SDK1: variants seen among roughly 807,000 people sequenced by gnomAD.
The protein encoded by SDK1 is sidekick cell adhesion molecule 1, also known as protein sidekick-1.
Under a neutral mutation model 245.5 loss-of-function variants are expected in SDK1, and 157 were observed. The observed-to-expected ratio is 0.64, with a 90% CI of 0.56 to 0.73. The LOEUF (loss-of-function observed/expected upper bound fraction) is 0.73. Ranked by LOEUF, SDK1 falls within the 30% of genes least tolerant of loss-of-function variation. The pLI, the probability that SDK1 is intolerant of heterozygous loss-of-function variation, is 0.00. For missense variants in SDK1, 3,583 were observed against 3,002.3 expected, an observed-to-expected ratio of 1.19 and a Z score of -4.52; for synonymous variants, 1,647 against 1,278.5, an observed-to-expected ratio of 1.29 and a Z score of -6.15.
chr7:3,527,066 G>A (rs987251544), intron 1 of SDK1, among the ~76,000 whole-genome samples: 11 of 152,030 alleles, frequency 7.2e-5, no homozygotes, highest in African/African-American at 2.4e-4. Context: ...TAGTGCTAGT[G>A]GTCACCAGCC....
intron 22 of SDK1, among the ~76,000 whole-genome samples, chr7:4,101,121 T>C (rs1782508818): frequency 1.3e-5 from 2 of 152,122 alleles, no homozygotes; most frequent in South Asian, 4.2e-4. Flanking sequence ...CTTTGGTTTG[T>C]TTGTTTTAAG....
intron 44 of SDK1, among the ~76,000 whole-genome samples, chr7:4,250,215 G>A (rs1787203246): frequency 1.3e-5 from 2 of 152,272 alleles, no homozygotes; most frequent in Admixed American, 6.5e-5. Flanking sequence ...CCACTTTTAC[G>A]AAGTAATCAA....
chr7:4,255,837 G>A (rs1348803019), intron 44 of SDK1, among the ~76,000 whole-genome samples: 5 of 151,872 alleles, frequency 3.3e-5, no homozygotes, highest in Non-Finnish European at 7.4e-5. Context: ...TCTCACTATC[G>A]AGTGAGATTT....
intron 22 of SDK1, among the ~76,000 whole-genome samples, chr7:4,084,097 G>C (rs1031425314): frequency 1.3e-5 from 2 of 152,106 alleles, no homozygotes; most frequent in African/African-American, 4.8e-5. Flanking sequence ...TCATTTAGCT[G>C]TTGGAACTCT....
At chr7:3,658,965 C>T (rs1783273582) in intron 4 of SDK1, among the ~76,000 whole-genome samples, 1 of 152,206 alleles carries the variant, frequency 6.6e-6, no homozygotes, top group South Asian at 2.1e-4. Context: ...GAAGAAAACC[C>T]TGTACCCCTT....
chr7:3,613,075 A>G (rs13240393), intron 1 of SDK1, among the ~76,000 whole-genome samples: 25,393 of 152,216 alleles, frequency 0.17, 2,553 homozygotes, highest in South Asian at 0.28. Context: ...AAGAACTTGC[A>G]GTTCAACTTG....
chr7:3,525,703 G>C lies in SDK1; in HGVS notation c.299-93377G>C, dbSNP rs556460585. Among the ~76,000 whole-genome samples the C allele has an allele frequency of 3.0e-4, 45 of 152,178 alleles. No individual in the cohort carries two copies. In the South Asian group the frequency reaches 9.1e-3, roughly 31 times the overall value. On this transcript the variant is annotated intron_variant, in intron 1 of 44. Transcript: ENST00000404826. Reference sequence around the variant, plus strand: ...TATCAACTTGCAAGCCAAATTTAGAGTTGATTTTCCAAATGACTTCTCCCA... The same window carrying C: ...TATCAACTTGCAAGCCAAATTTAGACTTGATTTTCCAAATGACTTCTCCCA...
In SDK1 at chr7:3,786,353, G is replaced by A. The variant is rs139603151; in HGVS notation, c.714-35097G>A. The stretch of plus-strand genomic sequence containing the variant: ...TCCTCACCCTAGAGTAGAGGAATAC[G>A]TGATATTAATTGAAATAGACTTCCT... On this transcript the variant is annotated intron_variant, in intron 4 of 44. Transcript: ENST00000404826. 4.6e-5 allele frequency among the ~76,000 whole-genome samples: 7 copies of A among 152,280 alleles called. No homozygotes were observed. The East Asian group carries it at 1.2e-3, about 25-fold the overall frequency.
In SDK1 at chr7:4,248,238, A is replaced by C. The variant is rs549819024; in HGVS notation, c.6381+2433A>C. ...TACATGCACACACCTGCATACACAC[A>C]TGCATACCTAAATAGAACACACAAC... On this transcript the variant is annotated intron_variant, in intron 44 of 44. Transcript: ENST00000404826. 3.5e-3 allele frequency among the ~76,000 whole-genome samples: 526 copies of C among 152,162 alleles called. 3 individuals carry two copies. The highest frequency in any genetic ancestry group is 0.012 in the African/African-American group (505 of 41,486).
intron 4 of SDK1, among the ~76,000 whole-genome samples, chr7:3,649,497 C>A (rs915922885): frequency 6.6e-6 from 1 of 151,940 alleles, no homozygotes; most frequent in African/African-American, 2.4e-5. Flanking sequence ...GAATTTCACA[C>A]AAATGACATC....
intron 1 of SDK1, among the ~76,000 whole-genome samples, chr7:3,427,301 C>A (rs1201449479): frequency 6.6e-6 from 1 of 152,040 alleles, no homozygotes; most frequent in Admixed American, 6.6e-5. Flanking sequence ...GACGGATTGC[C>A]TGAGGTCAGG....
At chr7:3,322,564 C>G (rs1224349360) in intron 1 of SDK1, among the ~76,000 whole-genome samples, 1 of 152,230 alleles carries the variant, frequency 6.6e-6, no homozygotes, top group African/African-American at 2.4e-5. Context: ...CTCTCTCCCA[C>G]AGTGGAAATG....
intron 22 of SDK1, among the ~76,000 whole-genome samples, chr7:4,107,594 C>T (rs899274043): frequency 3.9e-4 from 59 of 152,074 alleles, no homozygotes; most frequent in African/African-American, 9.7e-5. Flanking sequence ...CCTAAGTCAC[C>T]GAGGACTCTG....
At chr7:3,807,037 C>G (rs1033781068) in intron 4 of SDK1, among the ~76,000 whole-genome samples, 5 of 152,070 alleles carry the variant, frequency 3.3e-5, no homozygotes, top group Non-Finnish European at 5.9e-5. Flanking sequence ...AAGTTGTCAT[C>G]TTATTTTCTC....
At chr7:3,599,885 T>C (rs1433096243) in intron 1 of SDK1, among the ~76,000 whole-genome samples, 1 of 152,238 alleles carries the variant, frequency 6.6e-6, no homozygotes, top group Non-Finnish European at 1.5e-5. Flanking sequence ...TTCCTCATAT[T>C]ATTTTGTAAA....
chr7:3,701,273 A>C (rs1784731167), intron 4 of SDK1, among the ~76,000 whole-genome samples: 2 of 152,248 alleles, frequency 1.3e-5, no homozygotes, highest in Non-Finnish European at 2.9e-5. Flanking sequence ...CAAAATACCG[A>C]TGACAGAAAT....
intron 27 of SDK1, 91 bp from the exon 28 acceptor site, chr7:4,132,234 C>A: frequency 1.0e-6 from 1 of 1,003,292 alleles, no homozygotes. Context: ...GTAGTTACTG[C>A]AGCCAGCTGA....
intron 1 of SDK1, among the ~76,000 whole-genome samples, chr7:3,516,376 T>C (rs1189809149): frequency 6.6e-6 from 1 of 152,144 alleles, no homozygotes; most frequent in Non-Finnish European, 1.5e-5. Flanking sequence ...TGCTGGGTGA[T>C]GCTTTTCATA....
At chr7:3,731,189 C>T (rs1779166842) in intron 4 of SDK1, among the ~76,000 whole-genome samples, 1 of 152,182 alleles carries the variant, frequency 6.6e-6, no homozygotes, top group Non-Finnish European at 1.5e-5. Context: ...TCAAGGATGG[C>T]CTCCAATAGA....
Sources: gnomAD v4.1 joint callset for allele counts (sites outside exome capture counted in the v4.1 genomes callset) on GRCh38, gnomAD v4.1.1 for gene constraint, MANE v1.5 for transcripts, NCBI Gene and HGNC (gene_info 2026-07-23, HGNC 2026-07-21) for gene names.